Variants in SLCO1A2 observed in about 807,000 individuals in gnomAD.
SLCO1A2 encodes solute carrier organic anion transporter family member 1A2, also known as OATP-1.
A neutral mutation model predicts 69.0 loss-of-function variants in SLCO1A2; 67 were observed. The ratio of observed to expected loss-of-function variants is 0.97; its 90% confidence interval spans 0.80 to 1.19. SLCO1A2 has a LOEUF of 1.19. SLCO1A2 is among the 50% of genes most tolerant of loss of function. SLCO1A2 has a pLI of 0.00. For missense variants in SLCO1A2, 787 were observed against 793.7 expected, an observed-to-expected ratio of 0.99 and a Z score of 0.10; for synonymous variants, 260 against 265.9, an observed-to-expected ratio of 0.98 and a Z score of 0.22.
intron 2 of SLCO1A2, among the ~76,000 whole-genome samples, chr12:21,327,289 AC>A (rs1952310950): frequency 2.6e-5 from 4 of 152,160 alleles, no homozygotes; most frequent in Non-Finnish European, 5.9e-5. Context: ...CAGAGGCAGG[AC>A]CCTCATGGAG....
intron 2 of SLCO1A2, among the ~76,000 whole-genome samples, chr12:21,350,337 AAG>A (rs1565511332): frequency 1.3e-5 from 2 of 152,116 alleles, no homozygotes; most frequent in Non-Finnish European, 2.9e-5. Flanking sequence ...TACAAAAAAA[AAG>A]AGAGAAAAAA....
chr12:21,360,985 C>T (rs899562918), intron 2 of SLCO1A2, among the ~76,000 whole-genome samples: 8 of 152,214 alleles, frequency 5.3e-5, no homozygotes, highest in South Asian at 2.1e-4. Context: ...TAAAAGGCAG[C>T]AGAAACTTCT....
chr12:21,407,761 T>C (rs909613083), intron 1 of SLCO1A2, among the ~76,000 whole-genome samples: 2 of 151,602 alleles, frequency 1.3e-5, no homozygotes, highest in Non-Finnish European at 2.9e-5. Flanking sequence ...GAGCCAAGAT[T>C]GTGCTACTGT....
In SLCO1A2 at chr12:21,297,537, G is replaced by T. The variant is rs534910521; in HGVS notation, c.942C>A (p.Cys314Ter). The T allele has an allele frequency of 3.2e-6, 5 of 1,585,856 alleles. No individual in the cohort carries two copies. Among genetic ancestry groups the T allele is most frequent in the East Asian group, 4.5e-5 (2 of 44,016 alleles). ...GTATGAAAAGCATATAAATTGGATT[G>T]CAGGAAAGACTTTTCATGAAAGGTA... ...DFLPFMKSLS[C>*]NPIYMLFILV... is the part of the protein sequence containing the mutation. Residue 314 changes from cysteine (C) to a stop codon, truncating the protein, a stop_gained, in exon 9 of 15, where the codon TGC becomes TGA. Coordinates refer to ENST00000683939, the MANE Select transcript of SLCO1A2 (RefSeq NM_001386879.1). LOFTEE classifies it high-confidence loss of function.
At position 21,300,558 on chromosome 12, in the gene SLCO1A2, T is replaced by G. The variant is rs747322135; in HGVS notation, c.700A>C (p.Ile234Leu). Residue 234 changes from isoleucine (I) to leucine (L), a missense_variant, in exon 8 of 15, where the codon ATA (isoleucine) becomes CTA (leucine). By Grantham distance (5) the Ile-to-Leu change is conservative. Coordinates refer to ENST00000683939, the MANE Select transcript of SLCO1A2 (RefSeq NM_001386879.1). The stretch of plus-strand genomic sequence containing the variant: ...ACCCAACGAGTGTCAGTGGGAGTTA[T>G]GATCAGATCATCTGTAAAAAAATAC... ...TGFVNTDDLI[I>L]TPTDTRWVGA... 1.1e-5 allele frequency: 18 copies of G among 1,608,686 alleles called. No individual in the cohort carries two copies. The Middle Eastern group carries it at 4.9e-4, about 44-fold the overall frequency.
intron 2 of SLCO1A2, among the ~76,000 whole-genome samples, chr12:21,372,004 A>C (rs1481946282): frequency 1.4e-5 from 2 of 145,918 alleles, no homozygotes; most frequent in Non-Finnish European, 1.5e-5. Flanking sequence ...ACTTCATCTC[A>C]AAAAAAAAGA....
chr12:21,320,068 T>C (rs1951407897), intron 2 of SLCO1A2, among the ~76,000 whole-genome samples: 1 of 152,194 alleles, frequency 6.6e-6, no homozygotes, highest in Admixed American at 6.5e-5. Flanking sequence ...TGCTTGGTCC[T>C]ATTGAAGACA....
chr12:21,363,098 C>T (rs1939062706), intron 2 of SLCO1A2, among the ~76,000 whole-genome samples: 1 of 152,208 alleles, frequency 6.6e-6, no homozygotes, highest in South Asian at 2.1e-4. Context: ...ATACATTCTT[C>T]TCAGCAACAC....
At chr12:21,319,320 G>T (rs10505872) in intron 2 of SLCO1A2, 14 of 1,360,064 alleles carry the variant, frequency 1.0e-5, no homozygotes, top group Admixed American at 3.8e-5. Context: ...ACATTATTTC[G>T]GTAGCAAATA....
intron 2 of SLCO1A2, among the ~76,000 whole-genome samples, chr12:21,344,295 C>A (rs769697224): frequency 2.0e-5 from 3 of 152,018 alleles, no homozygotes; most frequent in Non-Finnish European, 4.4e-5. Flanking sequence ...AGAGCCCTCT[C>A]TCCTTAATCC....
At chr12:21,401,672 A>C (rs1001702842) in intron 1 of SLCO1A2, among the ~76,000 whole-genome samples, 30 of 151,704 alleles carry the variant, frequency 2.0e-4, no homozygotes, top group Non-Finnish European at 4.0e-4. Flanking sequence ...TTTGACTTAA[A>C]ATTTTATATG....
rs1246210816 is a variant in SLCO1A2 at position 21,394,590 on chromosome 12, C to CA, written c.-190+315dup. On this transcript the variant is annotated intron_variant, in intron 1 of 15. Coordinates refer to the SLCO1A2 transcript ENST00000307378. The stretch of plus-strand genomic sequence containing the variant: ...ACACACACACACACACAACAAAAAA[C>CA]AAAAAAAAAAGAAAAAGAAAAGTGC... Among the ~76,000 whole-genome samples, 184 of 140,374 alleles carry CA rather than the reference C, an allele frequency of 1.3e-3. 1 individual carries two copies. The highest frequency in any genetic ancestry group is 3.6e-3 in the Middle Eastern group (1 of 280). The allele number at this position is 140,374 out of a possible 152,430, so 92.1% of individuals were successfully genotyped here.
At chr12:21,269,897 G>A (rs1942485789) in intron 14 of SLCO1A2, 130 bp from the exon 15 acceptor site, 3 of 520,748 alleles carry the variant, frequency 5.8e-6, no homozygotes. Context: ...TCTTATATAA[G>A]CAACTTTGCT....
chr12:21,334,687 T>A lies in SLCO1A2; in HGVS notation c.-40A>T. On this transcript the variant is annotated 5_prime_UTR_variant, in exon 2 of 15. Coordinates refer to ENST00000683939, the MANE Select transcript of SLCO1A2 (RefSeq NM_001386879.1). ...TGTTCCAAGCTATTTATGTTTTAAA[T>A]CTTGATATGTCTTACTTCTACCCTT... 1.8e-5 allele frequency: 27 copies of A among 1,523,298 alleles called. No individual in the cohort carries two copies. The highest frequency in any genetic ancestry group is 2.3e-5 in the Non-Finnish European group (26 of 1,108,520). 94.4% of individuals were successfully genotyped at this position (1,523,298 alleles called of 1,614,324 possible).
chr12:21,279,967 GT>G (rs57057495), intron 12 of SLCO1A2, among the ~76,000 whole-genome samples: 21,735 of 149,672 alleles, frequency 0.15, 1,670 homozygotes, highest in African/African-American at 0.19. Context: ...AAAATGTAGA[GT>G]TTTTTTTTTA....
intron 2 of SLCO1A2, among the ~76,000 whole-genome samples, chr12:21,351,528 C>T (rs1937954331): frequency 6.6e-6 from 1 of 152,042 alleles, no homozygotes; most frequent in South Asian, 2.1e-4. Context: ...GTAATCCCAA[C>T]ACTTTGGGAG....
chr12:21,297,044 AAG>A (rs1348405671), intron 9 of SLCO1A2, among the ~76,000 whole-genome samples: 1 of 152,190 alleles, frequency 6.6e-6, no homozygotes, highest in African/African-American at 2.4e-5. Context: ...TGGAACCAAA[AAG>A]AGTAAAATTT....
intron 2 of SLCO1A2, among the ~76,000 whole-genome samples, chr12:21,359,560 T>C (rs979270938): frequency 3.3e-5 from 5 of 152,080 alleles, no homozygotes; most frequent in Admixed American, 1.3e-4. Context: ...CCAATCAACA[T>C]TGTAGTGTCT....
chr12:21,296,087 T>C (rs1044675705), intron 9 of SLCO1A2, among the ~76,000 whole-genome samples: 1 of 152,136 alleles, frequency 6.6e-6, no homozygotes, highest in Non-Finnish European at 1.5e-5. Flanking sequence ...AAAATCTCTT[T>C]TCTTAGGATC....
Sources: gnomAD v4.1 joint callset for allele counts (sites outside exome capture counted in the v4.1 genomes callset) on GRCh38, gnomAD v4.1.1 for gene constraint, MANE v1.5 for transcripts, NCBI Gene and HGNC (gene_info 2026-07-23, HGNC 2026-07-21) for gene names.